SV2C: variants seen among roughly 807,000 people sequenced by gnomAD.
SV2C encodes solute carrier family 22 member B3.
A neutral mutation model predicts 79.7 loss-of-function variants in SV2C; 49 were observed. That is an observed-to-expected ratio of 0.61 (90% CI 0.49 to 0.78). SV2C has a LOEUF of 0.78. SV2C is among the 30% of genes least tolerant of loss of function. The probability of loss-of-function intolerance (pLI) is 0.00; values close to 1 mark genes in which losing one functional copy is unlikely to be tolerated. For missense variants in SV2C, 833 were observed against 912.9 expected (o/e 0.91, Z 1.13); for synonymous variants, 334 against 333.2 (o/e 1.00, Z -0.03).
the SV2C span, among the ~76,000 whole-genome samples, chr5:76,038,096 T>A: frequency 6.6e-6 from 1 of 152,248 alleles, no homozygotes; most frequent in Non-Finnish European, 1.5e-5. Context: ...TTGCCGTGCT[T>A]CGGCTCACGC....
chr5:75,857,978 TTTAA>T, the SV2C span, among the ~76,000 whole-genome samples: 1 of 152,238 alleles, frequency 6.6e-6, no homozygotes, highest in African/African-American at 2.4e-5. Flanking sequence ...TTTACTGATA[TTTAA>T]TTAGTTCTAA....
At chr5:76,235,098 T>C (rs1250335382) in intron 4 of SV2C, among the ~76,000 whole-genome samples, 3 of 151,724 alleles carry the variant, frequency 2.0e-5, no homozygotes, top group South Asian at 2.1e-4. Flanking sequence ...TTGTACCCAA[T>C]TGTGATTTGC....
intron 1 of SV2C, among the ~76,000 whole-genome samples, chr5:76,122,203 T>C (rs1335651394): frequency 6.6e-6 from 1 of 151,458 alleles, no homozygotes; most frequent in Non-Finnish European, 1.5e-5. Flanking sequence ...ATGCTTGTAA[T>C]TTTTGTACAT....
chr5:76,028,094 C>T, the SV2C span, among the ~76,000 whole-genome samples: 1 of 152,216 alleles, frequency 6.6e-6, no homozygotes, highest in African/African-American at 2.4e-5. Context: ...CCTGAACTCT[C>T]AGCAATGTTT....
the SV2C span, among the ~76,000 whole-genome samples, chr5:76,014,660 G>A: frequency 1.5e-4 from 23 of 151,990 alleles, no homozygotes; most frequent in South Asian, 4.2e-4. Flanking sequence ...ACACATGTGC[G>A]CACACACATG....
At chr5:76,343,004 G>A (rs246820) in intron 12 of SV2C, among the ~76,000 whole-genome samples, 4,526 of 151,732 alleles carry the variant, frequency 0.03, 72 homozygotes, top group East Asian at 0.057. Context: ...GATTATAGGC[G>A]TGAGGCACCG....
chr5:76,345,074 G>A (rs1366794904), intron 12 of SV2C, among the ~76,000 whole-genome samples: 1 of 152,180 alleles, frequency 6.6e-6, no homozygotes, highest in Admixed American at 6.5e-5. Context: ...TCTCTCTTTT[G>A]CCTTTTTAGG....
rs140736749 is a variant in SV2C at position 76,142,260 on chromosome 5, T to C, written c.580+9930T>C. ...GTAGTTCTTACCTTTAATTTCAAAA[T>C]TGAGGTCTCTAATCAAATTGAAAAT... On this transcript the variant is annotated intron_variant, in intron 2 of 12. Transcript: ENST00000502798. Among the ~76,000 whole-genome samples, 932 of 152,320 alleles carry C rather than the reference T, an allele frequency of 6.1e-3. 4 individuals are homozygous for C. Among genetic ancestry groups the C allele is most frequent in the Non-Finnish European group, 9.5e-3 (649 of 68,028 alleles).
chr5:75,956,820 C>T, the SV2C span, among the ~76,000 whole-genome samples: 1 of 151,976 alleles, frequency 6.6e-6, no homozygotes, highest in East Asian at 1.9e-4. Context: ...CCAGTTCCCA[C>T]TGGTAGAGAT....
chr5:75,892,755 G>A, the SV2C span, among the ~76,000 whole-genome samples: 2 of 152,078 alleles, frequency 1.3e-5, no homozygotes, highest in East Asian at 3.9e-4. Flanking sequence ...TTCTGCAAAA[G>A]ACATGATTTT....
At chr5:76,080,732 G>A (rs1322243407), upstream of SV2C, among the ~76,000 whole-genome samples, 2 of 152,216 alleles carry the variant, frequency 1.3e-5, no homozygotes, top group African/African-American at 4.8e-5. Context: ...GTCCTGAGGT[G>A]TAGGAGAGCA....
chr5:76,203,800 A>G (rs1361830570), intron 3 of SV2C, among the ~76,000 whole-genome samples: 3 of 152,254 alleles, frequency 2.0e-5, no homozygotes, highest in Non-Finnish European at 2.9e-5. Flanking sequence ...ACAACTTCAT[A>G]TATCGAAGAA....
intron 12 of SV2C, among the ~76,000 whole-genome samples, chr5:76,348,270 A>G (rs1189285981): frequency 1.3e-5 from 2 of 152,056 alleles, no homozygotes; most frequent in African/African-American, 4.8e-5. Flanking sequence ...TTGATACCTC[A>G]TTTCTTTTTA....
the SV2C span, among the ~76,000 whole-genome samples, chr5:75,996,030 C>T: frequency 3.3e-5 from 5 of 152,236 alleles, no homozygotes; most frequent in Non-Finnish European, 5.9e-5. Context: ...TGCAGGCAGG[C>T]ACTGGCAGTT....
Position 76,333,402 on chromosome 5 carries a change from TTC to T in SV2C, c.*7859_*7860del, listed in dbSNP as rs1177633508. The stretch of plus-strand genomic sequence containing the variant: ...CACTAAATAACATGATAGAAGAGTT[TTC>T]TCTTTCAGGTGAACTTCCATTTTGA... On this transcript the variant is annotated 3_prime_UTR_variant, in exon 13 of 13. Transcript: ENST00000502798. The T allele has an allele frequency of 6.6e-6, 1 of 152,248 alleles. No individual in the cohort carries two copies. Among genetic ancestry groups the T allele is most frequent in the African/African-American group, 2.4e-5 (1 of 41,464 alleles). 9.4% of individuals were successfully genotyped at this position (152,248 alleles called of 1,614,324 possible). A position where few individuals can be genotyped will look rare whatever the true frequency, so the allele number is the denominator to read the frequency against.
At chr5:75,885,532 A>C in the SV2C span, among the ~76,000 whole-genome samples, 1 of 152,116 alleles carries the variant, frequency 6.6e-6, no homozygotes, top group African/African-American at 2.4e-5. Context: ...AAGCAAGAAA[A>C]ATCAATTTAA....
chr5:76,173,635 C>T, intron 2 of SV2C: 1 of 1,611,634 alleles, frequency 6.2e-7, no homozygotes, highest in Non-Finnish European at 8.5e-7. Flanking sequence ...TATATTAAAG[C>T]AGCTGACATG....
the SV2C span, among the ~76,000 whole-genome samples, chr5:76,001,180 G>A: frequency 6.6e-6 from 1 of 152,194 alleles, no homozygotes; most frequent in Non-Finnish European, 1.5e-5. Flanking sequence ...GGGGCCATAA[G>A]AAGGCCCAGA....
the SV2C span, among the ~76,000 whole-genome samples, chr5:75,918,079 A>G: frequency 6.6e-6 from 1 of 152,212 alleles, no homozygotes; most frequent in African/African-American, 2.4e-5. Flanking sequence ...CTGCCATTTT[A>G]TCCAGTTTTC....
Sources: allele counts gnomAD v4.1 joint callset (sites outside exome capture counted in the v4.1 genomes callset), GRCh38; gene constraint gnomAD v4.1.1; transcripts MANE v1.5; gene names NCBI Gene and HGNC (gene_info 2026-07-23, HGNC 2026-07-21).